The following SIK3 variants were observed in gnomAD, a reference collection of about 807,000 sequenced individuals.
SIK3 encodes SIK family kinase 3, also known as serine/threonine-protein kinase SIK3.
In SIK3, 28 loss-of-function variants were observed where a neutral mutation model predicts 144.2. The ratio of observed to expected loss-of-function variants is 0.19; its 90% CI spans 0.14 to 0.27. The LOEUF is 0.27. Ranked by LOEUF, SIK3 falls within the 10% of genes least tolerant of loss-of-function variation. The pLI is 1.00. For synonymous variants in SIK3, 686 were observed against 676.3 expected (o/e 1.01, Z -0.22); for missense variants, 1,319 against 1,776.0 (o/e 0.74, Z 4.62).
intron 1 of SIK3, among the ~76,000 whole-genome samples, chr11:116,979,944 C>T (rs1239534968): frequency 6.6e-6 from 1 of 152,076 alleles, no homozygotes; most frequent in Non-Finnish European, 1.5e-5. Context: ...CAGATGTTAT[C>T]GTCTCATTCT....
At chr11:116,861,670 C>T (rs1282367564) in intron 18 of SIK3, among the ~76,000 whole-genome samples, 171 bp downstream of exon 18, 1 of 152,254 alleles carries the variant, frequency 6.6e-6, no homozygotes, top group East Asian at 1.9e-4. Flanking sequence ...TGAAGTGGCA[C>T]AGGAAGTTGG....
chr11:116,983,142 G>A (rs1565525538), intron 1 of SIK3, among the ~76,000 whole-genome samples: 1 of 151,052 alleles, frequency 6.6e-6, no homozygotes, highest in Admixed American at 6.6e-5. Context: ...CAGGAGAATG[G>A]CATAAACCCG....
chr11:116,844,642 A>ATATATATAATATATGTATAATATATATAT lies in SIK3; in HGVS notation c.*1000_*1001insATATATATATTATACATATATTATATATA, dbSNP rs1565345727. ...TAATATATATATAATATATTATATT[A>ATATATATAATATATGTATAATATATATAT]TATATTATATATATAATATATATAT... is the stretch of plus-strand genomic sequence containing the variant. On this transcript the variant is annotated 3_prime_UTR_variant, in exon 25 of 25. Transcript: ENST00000445177. 1 of 79,496 alleles carries ATATATATAATATATGTATAATATATATAT rather than the reference A, an allele frequency of 1.3e-5. No individual in the cohort carries two copies. The highest frequency in any genetic ancestry group is 2.0e-5 in the Non-Finnish European group (1 of 50,154). 4.9% of individuals were successfully genotyped at this position (79,496 alleles called of 1,614,324 possible).
intron 1 of SIK3, among the ~76,000 whole-genome samples, chr11:117,014,867 C>A (rs1658596371): frequency 6.6e-6 from 1 of 152,086 alleles, no homozygotes; most frequent in South Asian, 2.1e-4. Context: ...AGTTTGAGAC[C>A]AGCCTGGGCA....
chr11:117,037,533 T>A (rs1952562487), intron 1 of SIK3, among the ~76,000 whole-genome samples: 1 of 152,158 alleles, frequency 6.6e-6, no homozygotes, highest in Non-Finnish European at 1.5e-5. Context: ...TCACTAAGGC[T>A]GAGAAGCAAC....
intron 1 of SIK3, among the ~76,000 whole-genome samples, chr11:117,007,100 G>C (rs1459868196): frequency 6.6e-6 from 1 of 152,210 alleles, no homozygotes. Flanking sequence ...AGGATCGGCT[G>C]GGCACAGTGG....
chr11:116,910,426 T>C (rs1166509842), intron 4 of SIK3, among the ~76,000 whole-genome samples: 1 of 152,146 alleles, frequency 6.6e-6, no homozygotes, highest in African/African-American at 2.4e-5. Flanking sequence ...TTTTTAAGAA[T>C]CTATTTTTTT....
intron 1 of SIK3, among the ~76,000 whole-genome samples, chr11:116,984,822 A>G (rs1312287647): frequency 6.6e-6 from 1 of 152,220 alleles, no homozygotes; most frequent in Non-Finnish European, 1.5e-5. Flanking sequence ...GAAGAAATTA[A>G]TAGCTTTTGG....
At chr11:116,879,556 T>A (rs571914866) in intron 6 of SIK3, among the ~76,000 whole-genome samples, 6 of 152,360 alleles carry the variant, frequency 3.9e-5, no homozygotes, top group African/African-American at 1.4e-4. Context: ...ACTCTTCAAT[T>A]TCTATACCAT....
At chr11:117,038,496 A>G (rs1175200663) in intron 1 of SIK3, among the ~76,000 whole-genome samples, 1 of 151,488 alleles carries the variant, frequency 6.6e-6, no homozygotes, top group Non-Finnish European at 1.5e-5. Flanking sequence ...AGCTGGGATT[A>G]CAGGCACCCG....
In SIK3 at chr11:116,875,286, C is replaced by T. The variant is rs753840479; in HGVS notation, c.1318-19G>A. 3 of 1,613,354 alleles carry T rather than the reference C, an allele frequency of 1.9e-6. No homozygotes were observed. Among genetic ancestry groups the T allele is most frequent in the Non-Finnish European group, 1.7e-6 (2 of 1,179,380 alleles). On this transcript the variant is annotated intron_variant, in intron 10 of 24. Transcript: ENST00000445177. The stretch of plus-strand genomic sequence containing the variant: ...CATCCGGCTGAGGTGGAGGGAAACA[C>T]CATCGAGTTAGAAATCAGAAGGAAG...
At chr11:117,057,164 A>G (rs991064471) in intron 1 of SIK3, among the ~76,000 whole-genome samples, 1 of 152,218 alleles carries the variant, frequency 6.6e-6, no homozygotes, top group Non-Finnish European at 1.5e-5. Context: ...ACCCTTGTGT[A>G]TTTTAAGTGT....
intron 4 of SIK3, among the ~76,000 whole-genome samples, chr11:116,925,584 T>A (rs1328721484): frequency 2.0e-5 from 3 of 152,262 alleles, no homozygotes; most frequent in Non-Finnish European, 4.4e-5. Context: ...ATCTGTGTTT[T>A]TCCAAGTCAT....
intron 1 of SIK3, among the ~76,000 whole-genome samples, chr11:117,017,805 G>C (rs1263984577): frequency 6.6e-6 from 1 of 152,112 alleles, no homozygotes; most frequent in Non-Finnish European, 1.5e-5. Flanking sequence ...ATCTGTCTGA[G>C]AAAATACCTG....
intron 4 of SIK3, among the ~76,000 whole-genome samples, chr11:116,924,186 C>T (rs1038884552): frequency 2.6e-5 from 4 of 151,132 alleles, no homozygotes; most frequent in Non-Finnish European, 2.9e-5. Context: ...CCCAGCTACA[C>T]GGGAGGCTGA....
intron 1 of SIK3, among the ~76,000 whole-genome samples, chr11:117,072,008 G>A (rs913729787): frequency 6.6e-6 from 1 of 151,740 alleles, no homozygotes; most frequent in African/African-American, 2.4e-5. Flanking sequence ...TGAAAAATAA[G>A]GTAAAACAGG....
intron 1 of SIK3, among the ~76,000 whole-genome samples, chr11:116,990,956 T>TACAGTAAAGC (rs1168801595): frequency 1.3e-5 from 2 of 152,248 alleles, no homozygotes; most frequent in East Asian, 3.8e-4. Context: ...CAGCTACATT[T>TACAGTAAAGC]ACAGTGTGTC....
At chr11:117,065,176 A>C (rs1349695628) in intron 1 of SIK3, among the ~76,000 whole-genome samples, 1 of 149,990 alleles carries the variant, frequency 6.7e-6, no homozygotes, top group Non-Finnish European at 1.5e-5. Context: ...TAATAATAAC[A>C]ATAATAATAA....
At chr11:117,089,112 G>C (rs773558647) in intron 1 of SIK3, among the ~76,000 whole-genome samples, 6 of 151,918 alleles carry the variant, frequency 3.9e-5, no homozygotes, top group Non-Finnish European at 8.8e-5. Context: ...ATGTTTATAA[G>C]AGTAAGAAGC....
Sources: allele counts gnomAD v4.1 joint callset (sites outside exome capture counted in the v4.1 genomes callset), GRCh38; gene constraint gnomAD v4.1.1; transcripts MANE v1.5; gene names NCBI Gene and HGNC (gene_info 2026-07-23, HGNC 2026-07-21).